The following MON1B variants were observed in gnomAD, a reference collection of about 807,000 sequenced individuals.
MON1B encodes vacuolar fusion protein MON1 homolog B.
Under a neutral mutation model 45.1 loss-of-function variants are expected in MON1B, and 26 were observed. That is an observed-to-expected ratio of 0.58 (90% CI 0.42 to 0.80). MON1B has a LOEUF of 0.80. MON1B is among the 30% of genes least tolerant of loss of function. The probability of loss-of-function intolerance (pLI) is 0.00; values close to 1 mark genes in which losing one functional copy is unlikely to be tolerated. For synonymous variants in MON1B, 395 were observed against 320.2 expected, an observed-to-expected ratio of 1.23 and a Z score of -2.49; for missense variants, 737 against 754.5, an observed-to-expected ratio of 0.98 and a Z score of 0.27.
Position 77,199,375 on chromosome 16 carries a change from A to G in MON1B, c.*1067A>G. On this transcript the variant is annotated 3_prime_UTR_variant, in exon 6 of 6. Coordinates refer to ENST00000248248, the MANE Select transcript of MON1B (RefSeq NM_014940.4). ...CGCGGGTTGCACGCATGCGTGCTGAAAAGCCTTTCACCCTCACGTGGTTTC... is the reference window on the plus strand; with the variant it reads ...CGCGGGTTGCACGCATGCGTGCTGAGAAGCCTTTCACCCTCACGTGGTTTC... 6.8e-7 allele frequency: 1 copy of G among 1,460,966 alleles called. No homozygotes were observed. The highest frequency in any genetic ancestry group is 9.4e-7 in the Non-Finnish European group (1 of 1,069,334). The allele number at this position is 1,460,966 out of a possible 1,614,324, so 90.5% of individuals were successfully genotyped here.
At position 77,193,436 on chromosome 16, in the gene MON1B, G is replaced by T. The variant is rs1251608169; in HGVS notation, c.149-15G>T. 1.2e-5 allele frequency: 19 copies of T among 1,536,502 alleles called. No individual in the cohort carries two copies. The highest frequency in any genetic ancestry group is 1.4e-5 in the Non-Finnish European group (16 of 1,141,558). On this transcript the variant is annotated splice_polypyrimidine_tract_variant and intron_variant, in intron 2 of 5. Coordinates refer to ENST00000248248, the MANE Select transcript of MON1B (RefSeq NM_014940.4). This position sits in a 1 kb window ranked among gnomAD's most constrained non-coding sequence, Gnocchi z 5.0. Reference sequence around the variant, plus strand: ...GAGTTCACATGCAGATGACCCACCAGGGGCTCCCTTTCAGGATCCAAGGAC... The same window carrying T: ...GAGTTCACATGCAGATGACCCACCATGGGCTCCCTTTCAGGATCCAAGGAC...
chr16:77,199,598 A>T lies in MON1B; in HGVS notation c.*1290A>T, dbSNP rs1278250509. 2 of 1,071,536 alleles carry T rather than the reference A, an allele frequency of 1.9e-6. No homozygotes were observed. The highest frequency in any genetic ancestry group is 2.7e-6 in the Non-Finnish European group (2 of 742,260). 66.4% of individuals were successfully genotyped at this position (1,071,536 alleles called of 1,614,324 possible). A position where few individuals can be genotyped will look rare whatever the true frequency, so the allele number is the denominator to read the frequency against. On this transcript the variant is annotated 3_prime_UTR_variant, in exon 6 of 6. Transcript: ENST00000248248. ...TTCGTCCCATTACAATAATGAAATA[A>T]TGATATTCTAATTTTTTTAAATAAA...
At chr16:77,192,359 T>C (rs2054623434) in intron 2 of MON1B, among the ~76,000 whole-genome samples, 2 of 152,208 alleles carry the variant, frequency 1.3e-5, no homozygotes, top group Admixed American at 6.5e-5. Context: ...TCAGTGAATG[T>C]CAGTGACAGA....
chr16:77,193,659 C>A lies in MON1B; in HGVS notation c.357C>A (p.Gly119=), dbSNP rs367902675. 1 of 1,613,980 alleles carries A rather than the reference C, an allele frequency of 6.2e-7. No homozygotes were observed. Among genetic ancestry groups the A allele is most frequent in the African/African-American group, 1.3e-5 (1 of 74,928 alleles). Residue 119 remains glycine, a synonymous_variant, in exon 3 of 6, where the codon GGC becomes GGA. Coordinates refer to ENST00000248248, the MANE Select transcript of MON1B (RefSeq NM_014940.4). The surrounding 1 kb of genome is among the most constrained non-coding windows in gnomAD (Gnocchi z 5.0). ...ATGTGTTTGTGCTGAGTGAGGCTGG[C>A]AAGCCCATCTACTCGCGGTATGGTA... is the stretch of plus-strand genomic sequence containing the variant. ...RKHVFVLSEA[G]KPIYSRYGSV...
At chr16:77,196,883 C>G (rs2054670548) in intron 5 of MON1B, among the ~76,000 whole-genome samples, 2 of 152,176 alleles carry the variant, frequency 1.3e-5, no homozygotes, top group South Asian at 2.1e-4. Context: ...AAATCCTTCT[C>G]TAGCATTTAT....
chr16:77,191,412 C>A (rs1406835925), intron 1 of MON1B, 64 bp from the exon 2 acceptor site: 3 of 1,579,564 alleles, frequency 1.9e-6, no homozygotes, highest in Admixed American at 3.6e-5. Flanking sequence ...GGGGGCCTGA[C>A]TCTATAAAGG....
chr16:77,191,322 G>GA (rs1048174565), intron 1 of MON1B, 64 bp downstream of exon 1: 26 of 1,545,212 alleles, frequency 1.7e-5, no homozygotes, highest in East Asian at 2.4e-5. Flanking sequence ...AGTGTTGGAG[G>GA]GGGGACGTAT....
Position 77,193,470 on chromosome 16 carries a change from G to A in MON1B, c.168G>A (p.Gln56=), listed in dbSNP as rs149878306. 54 of 1,566,300 alleles carry A rather than the reference G, an allele frequency of 3.4e-5. No homozygotes were observed. In the African/African-American group the frequency reaches 4.9e-4, roughly 14 times the overall value. Residue 56 remains glutamine (Q), a synonymous_variant, in exon 3 of 6, where the codon CAG becomes CAA. Transcript: ENST00000248248. The surrounding 1 kb of genome is among the most constrained non-coding windows in gnomAD (Gnocchi z 5.0). ...LEETGSKDKD[Q]PPSPSPPPQS... is the part of the protein sequence containing the mutation. ...TTTCAGGATCCAAGGACAAGGACCA[G>A]CCACCCAGCCCATCACCACCGCCCC...
chr16:77,199,206 C>G lies in MON1B; in HGVS notation c.*898C>G, dbSNP rs1178292245. On this transcript the variant is annotated 3_prime_UTR_variant, in exon 6 of 6. Transcript: ENST00000248248. The stretch of plus-strand genomic sequence containing the variant: ...GTTTTGTGTGTGTGCACACTACCCT[C>G]ACTCCCCAACTGGCCATTACCCTAG... The G allele has an allele frequency of 1.2e-5, 6 of 511,770 alleles. No homozygotes were observed. Among genetic ancestry groups the G allele is most frequent in the Non-Finnish European group, 1.4e-5 (4 of 287,332 alleles). 31.7% of individuals were successfully genotyped at this position (511,770 alleles called of 1,614,324 possible).
In MON1B at chr16:77,201,614, A is replaced by G. The variant is rs1245978674; in HGVS notation, c.*3306A>G. 1.3e-5 allele frequency: 2 copies of G among 152,186 alleles called. No homozygotes were observed. The highest frequency in any genetic ancestry group is 3.9e-4 in the East Asian group (2 of 5,182). The allele number at this position is 152,186 out of a possible 1,614,324, so 9.4% of individuals were successfully genotyped here. ...GGCAGTGACCATGCGATGTAATCAA[A>G]GGAGAATACGTAAGTGTATGGACCA... On this transcript the variant is annotated 3_prime_UTR_variant, in exon 6 of 6. Coordinates refer to ENST00000248248, the MANE Select transcript of MON1B (RefSeq NM_014940.4).
Position 77,191,638 on chromosome 16 carries a change from G to A in MON1B, c.148+5G>A. 6.2e-7 allele frequency: 1 copy of A among 1,610,164 alleles called. No individual in the cohort carries two copies. Among genetic ancestry groups the A allele is most frequent in the Non-Finnish European group, 8.5e-7 (1 of 1,178,594 alleles). On this transcript the variant is annotated splice_donor_5th_base_variant and intron_variant, in intron 2 of 5. Transcript: ENST00000248248. ...ACGAGGGCCTGGAGGAAACAGGTAT[G>A]ACTCCACTTAGTGGGGTCTTAAAAG...
rs1392338649 is a variant in MON1B at position 77,201,235 on chromosome 16, C to T, written c.*2927C>T. ...ATTAGAGGCACATACTAAGTGCCAG[C>T]ATTCAACAAAAGACAGACGGAAATA... On this transcript the variant is annotated 3_prime_UTR_variant, in exon 6 of 6. Transcript: ENST00000248248. The T allele has an allele frequency of 6.6e-6, 1 of 152,144 alleles. No homozygotes were observed. The highest frequency in any genetic ancestry group is 1.5e-5 in the Non-Finnish European group (1 of 68,042). The allele number at this position is 152,144 out of a possible 1,614,324, so 9.4% of individuals were successfully genotyped here.
chr16:77,195,501 T>C, intron 4 of MON1B, 34 bp from the exon 5 acceptor site: 1 of 1,596,270 alleles, frequency 6.3e-7, no homozygotes, highest in Non-Finnish European at 8.6e-7. Context: ...GGCCCTGGAC[T>C]AACCTTGTCC....
chr16:77,197,233 T>TA (rs56178828), intron 5 of MON1B, among the ~76,000 whole-genome samples: 14,443 of 151,776 alleles, frequency 0.095, 969 homozygotes, highest in East Asian at 0.3. Flanking sequence ...CCATCTCTAC[T>TA]AAAAATACAA....
Position 77,201,249 on chromosome 16 carries a change from C to A in MON1B, c.*2941C>A, listed in dbSNP as rs1170205922. The A allele has an allele frequency of 6.6e-6, 1 of 152,160 alleles. No homozygotes were observed. Among genetic ancestry groups the A allele is most frequent in the Non-Finnish European group, 1.5e-5 (1 of 68,032 alleles). 9.4% of individuals were successfully genotyped at this position (152,160 alleles called of 1,614,324 possible). A position where few individuals can be genotyped will look rare whatever the true frequency, so the allele number is the denominator to read the frequency against. ...CTAAGTGCCAGCATTCAACAAAAGA[C>A]AGACGGAAATAAGACAGATGCAAAT... On this transcript the variant is annotated 3_prime_UTR_variant, in exon 6 of 6. Transcript: ENST00000248248.
chr16:77,198,210 G>A lies in MON1B; in HGVS notation c.1546G>A (p.Glu516Lys). Residue 516 changes from glutamate to lysine, a missense_variant, in exon 6 of 6, where the codon GAG becomes AAG. Physicochemically the swap from Glu to Lys is moderately conservative, Grantham distance 56 (BLOSUM62 1). Transcript: ENST00000248248. ...ACTCCTGCGCTGGGTGAAGAAAGAG[G>A]AGGACCGGCTCTTCATTCGTTACCC... ...TKLLRWVKKEEDRLFIRYPPK... is the reference protein window; with the variant it reads ...TKLLRWVKKEKDRLFIRYPPK... 1 of 1,614,138 alleles carries A rather than the reference G, an allele frequency of 6.2e-7. No individual in the cohort carries two copies.
In MON1B at chr16:77,199,617, A is replaced by T. The variant is rs76154891; in HGVS notation, c.*1309A>T. On this transcript the variant is annotated 3_prime_UTR_variant, in exon 6 of 6. Coordinates refer to ENST00000248248, the MANE Select transcript of MON1B (RefSeq NM_014940.4). ...GAAATAATGATATTCTAATTTTTTT[A>T]AATAAAATGTTAAGCCTTTTGTTAT... 2.2e-4 allele frequency: 217 copies of T among 994,838 alleles called. No individual in the cohort carries two copies. In the African/African-American group the frequency reaches 3.2e-3, roughly 15 times the overall value. 61.6% of individuals were successfully genotyped at this position (994,838 alleles called of 1,614,324 possible). A position where few individuals can be genotyped will look rare whatever the true frequency, so the allele number is the denominator to read the frequency against.
rs1477878995 is a variant in MON1B, at chr16:77,200,910, A to G, written c.*2602A>G. 2 of 152,326 alleles carry G rather than the reference A, an allele frequency of 1.3e-5. No homozygotes were observed. The highest frequency in any genetic ancestry group is 3.9e-4 in the East Asian group (2 of 5,176). 9.4% of individuals were successfully genotyped at this position (152,326 alleles called of 1,614,324 possible). A position where few individuals can be genotyped will look rare whatever the true frequency, so the allele number is the denominator to read the frequency against. On this transcript the variant is annotated 3_prime_UTR_variant, in exon 6 of 6. Coordinates refer to ENST00000248248, the MANE Select transcript of MON1B (RefSeq NM_014940.4). ...CCATGTGTACCTATCAGTATGCTTT[A>G]ACTGTTGTCACCTTTCTGCCCCACT...
Position 77,198,931 on chromosome 16 carries a change from A to G in MON1B, c.*623A>G, listed in dbSNP as rs981596789. ...TGTCCACCTGTGGAACCCAGGACAC[A>G]GCACCTGACTGCACACAGTGGCTGA... On this transcript the variant is annotated 3_prime_UTR_variant, in exon 6 of 6. Coordinates refer to ENST00000248248, the MANE Select transcript of MON1B (RefSeq NM_014940.4). The G allele has an allele frequency of 6.2e-6, 1 of 161,402 alleles. No homozygotes were observed. Among genetic ancestry groups the G allele is most frequent in the African/African-American group, 2.4e-5 (1 of 41,546 alleles). The allele number at this position is 161,402 out of a possible 1,614,324, so 10.0% of individuals were successfully genotyped here.
Sources: allele counts gnomAD v4.1 joint callset (sites outside exome capture counted in the v4.1 genomes callset), GRCh38; gene constraint gnomAD v4.1.1; non-coding constraint Gnocchi (gnomAD v3.1); transcripts MANE v1.5; gene names NCBI Gene and HGNC (gene_info 2026-07-23, HGNC 2026-07-21).